Variants in SASH1 observed in about 807,000 individuals in gnomAD.
SASH1 encodes the protein SAM and SH3 domain containing 1, also known as SAM and SH3 domain-containing protein 1.
In SASH1, 44 loss-of-function variants were observed where a neutral mutation model predicts 125.2. The ratio of observed to expected loss-of-function variants is 0.35; its 90% CI spans 0.28 to 0.45. The LOEUF (loss-of-function observed/expected upper bound fraction) is 0.45, where lower values mean the gene tolerates loss of function less well. Among genes scored for constraint, SASH1 ranks in the 20% least tolerant of loss-of-function variants. The probability of loss-of-function intolerance (pLI) is 1.00; values close to 1 mark genes in which losing one functional copy is unlikely to be tolerated. For synonymous variants in SASH1, 639 were observed against 649.1 expected, an observed-to-expected ratio of 0.98 and a Z score of 0.24; for missense variants, 1,426 against 1,614.5, an observed-to-expected ratio of 0.88 and a Z score of 2.00.
chr6:148,508,927 G>C, intron 8 of SASH1: 1 of 1,055,334 alleles, frequency 9.5e-7, no homozygotes, highest in Non-Finnish European at 1.3e-6. Context: ...GTTTTCTGTT[G>C]CTTCAAGTAA....
At chr6:148,496,786 T>C (rs1779328189) in intron 8 of SASH1, among the ~76,000 whole-genome samples, 2 of 152,032 alleles carry the variant, frequency 1.3e-5, no homozygotes, top group African/African-American at 2.4e-5. Flanking sequence ...GTCGGGAGGA[T>C]TTCTTGAGCC....
At chr6:148,229,419 CA>C in the SASH1 span, among the ~76,000 whole-genome samples, 1 of 151,738 alleles carries the variant, frequency 6.6e-6, no homozygotes, top group Non-Finnish European at 1.5e-5. Flanking sequence ...AACATTCGGG[CA>C]AAAAGTACTA....
intron 1 of SASH1, among the ~76,000 whole-genome samples, chr6:148,359,220 G>A (rs572985322): frequency 6.6e-6 from 1 of 151,600 alleles, no homozygotes; most frequent in Admixed American, 6.6e-5. Flanking sequence ...GTGCAGCTGC[G>A]CCATCTCAGC....
chr6:148,326,466 G>A (rs568435700), intron 1 of SASH1, among the ~76,000 whole-genome samples: 5 of 141,596 alleles, frequency 3.5e-5, no homozygotes, highest in East Asian at 4.3e-4. Context: ...GTGCAATGGC[G>A]TGATCTCGGC....
intron 1 of SASH1, among the ~76,000 whole-genome samples, chr6:148,357,829 G>A (rs947199633): frequency 4.6e-5 from 7 of 152,186 alleles, no homozygotes; most frequent in Non-Finnish European, 7.4e-5. Context: ...GGAGACTGAG[G>A]TAGATGGATC....
At chr6:148,484,191 T>C (rs1010016615) in intron 7 of SASH1, among the ~76,000 whole-genome samples, 2 of 152,220 alleles carry the variant, frequency 1.3e-5, no homozygotes, top group African/African-American at 4.8e-5. Context: ...CATTATGATA[T>C]ATCTCTCCCT....
chr6:148,234,187 G>A, the SASH1 span, among the ~76,000 whole-genome samples: 1 of 151,858 alleles, frequency 6.6e-6, no homozygotes, highest in African/African-American at 2.4e-5. Context: ...ACAGGCACTG[G>A]CTTCACCATG....
chr6:148,273,031 G>A (rs762668659), intron 1 of SASH1, among the ~76,000 whole-genome samples: 5 of 152,044 alleles, frequency 3.3e-5, no homozygotes, highest in South Asian at 2.1e-4. Flanking sequence ...AGGCCGGGGC[G>A]GGAAGGTTCC....
intron 1 of SASH1, among the ~76,000 whole-genome samples, chr6:148,277,215 G>A (rs1041187978): frequency 1.3e-5 from 2 of 152,222 alleles, no homozygotes; most frequent in Non-Finnish European, 2.9e-5. Context: ...TGCAGCTGAG[G>A]TGGCTCCTGG....
intron 4 of SASH1, among the ~76,000 whole-genome samples, chr6:148,443,860 T>C (rs1776662878): frequency 6.6e-6 from 1 of 152,214 alleles, no homozygotes; most frequent in Non-Finnish European, 1.5e-5. Flanking sequence ...ATCAAAATGC[T>C]TGCTGGGAGC....
At chr6:148,199,810 A>AAG in the SASH1 span, among the ~76,000 whole-genome samples, 1 of 151,718 alleles carries the variant, frequency 6.6e-6, no homozygotes, top group African/African-American at 2.4e-5. Context: ...GAGAAAGAAA[A>AAG]AGAGAGAGAG....
intron 2 of SASH1, among the ~76,000 whole-genome samples, chr6:148,439,814 G>A (rs531403858): frequency 6.0e-4 from 91 of 151,894 alleles, no homozygotes; most frequent in African/African-American, 2.1e-3. Flanking sequence ...TAGTGTCGTT[G>A]GAAAACAGCT....
At chr6:148,402,901 A>T (rs977899476) in intron 2 of SASH1, among the ~76,000 whole-genome samples, 4 of 151,640 alleles carry the variant, frequency 2.6e-5, no homozygotes, top group Admixed American at 2.6e-4. Context: ...GAGCCACAGC[A>T]CCCGGCCCAA....
rs1012808409 is a variant in SASH1, at chr6:148,546,164, C to G, written c.3480+18C>G. On this transcript the variant is annotated intron_variant, in intron 19 of 19. Transcript: ENST00000367467. ...GCATGGCGGTGAGCAGCCCACAGTT[C>G]TCCAGCTTCCTGAGGCACATTTAGT... 7 of 1,610,398 alleles carry G rather than the reference C, an allele frequency of 4.3e-6. No homozygotes were observed. The highest frequency in any genetic ancestry group is 1.3e-5 in the African/African-American group (1 of 74,806).
At chr6:148,244,464 C>T in the SASH1 span, among the ~76,000 whole-genome samples, 15 of 152,080 alleles carry the variant, frequency 9.9e-5, no homozygotes, top group African/African-American at 3.1e-4. Context: ...AGCGGTAGGA[C>T]GTTGTTTTAT....
intron 7 of SASH1, among the ~76,000 whole-genome samples, chr6:148,477,880 A>G (rs1778439467): frequency 6.6e-6 from 1 of 151,752 alleles, no homozygotes; most frequent in Admixed American, 6.6e-5. Flanking sequence ...TATTTTTAGT[A>G]GAGACAGTGT....
At chr6:148,309,240 GACA>G (rs1218063567) in intron 1 of SASH1, among the ~76,000 whole-genome samples, 2 of 152,154 alleles carry the variant, frequency 1.3e-5, no homozygotes, top group Non-Finnish European at 2.9e-5. Flanking sequence ...GGAGTATAAA[GACA>G]ACGTCTTTTC....
chr6:148,544,639 C>T lies in SASH1; in HGVS notation c.3169C>T (p.Pro1057Ser). The T allele has an allele frequency of 6.2e-7, 1 of 1,613,412 alleles. No individual in the cohort carries two copies. The highest frequency in any genetic ancestry group is 8.5e-7 in the Non-Finnish European group (1 of 1,179,836). Residue 1057 changes from proline to serine, a missense_variant, in exon 18 of 20, where the codon CCG becomes TCG. Pro to Ser is a moderately conservative substitution (Grantham distance 74). Around this residue, in one of 3 missense-constraint regions of SASH1, gnomAD observed 634 missense variants for 694.4 expected, o/e 0.91. Coordinates refer to ENST00000367467, the MANE Select transcript of SASH1 (RefSeq NM_015278.5). This position sits in a 1 kb window ranked among gnomAD's most constrained non-coding sequence, Gnocchi z 6.4. Reference protein sequence around the residue: ...QAPGSPPSTRPPPWLSELPEN... With the variant: ...QAPGSPPSTRSPPWLSELPEN... Reference sequence around the variant, plus strand: ...GCCTGGCAGCCCACCAAGCACAAGGCCGCCCCCCTGGCTCTCAGAGCTCCC... The same window carrying T: ...GCCTGGCAGCCCACCAAGCACAAGGTCGCCCCCCTGGCTCTCAGAGCTCCC...
intron 4 of SASH1, among the ~76,000 whole-genome samples, chr6:148,450,108 T>C (rs987835218): frequency 1.1e-4 from 17 of 152,252 alleles, no homozygotes; most frequent in African/African-American, 3.9e-4. Context: ...TATAGCACTC[T>C]CTGTTTATTT....
Sources: allele counts gnomAD v4.1 joint callset (sites outside exome capture counted in the v4.1 genomes callset), GRCh38; gene constraint gnomAD v4.1.1; regional missense constraint gnomAD v4.1.1; non-coding constraint Gnocchi (gnomAD v3.1); transcripts MANE v1.5; gene names NCBI Gene and HGNC (gene_info 2026-07-23, HGNC 2026-07-21).